The following PTPN21 variants were observed in gnomAD, a reference collection of about 807,000 sequenced individuals.
PTPN21 encodes the protein protein tyrosine phosphatase non-receptor type 21.
A neutral mutation model predicts 131.8 loss-of-function variants in PTPN21; 77 were observed. The observed-to-expected ratio is 0.58, with a 90% CI of 0.49 to 0.71. The LOEUF (loss-of-function observed/expected upper bound fraction) is 0.71, where lower values mean the gene tolerates loss of function less well. Among genes scored for constraint, PTPN21 ranks in the 30% least tolerant of loss-of-function variants. PTPN21 has a pLI of 0.00. For synonymous variants in PTPN21, 715 were observed against 621.3 expected (o/e 1.15, Z -2.24); for missense variants, 1,552 against 1,527.1 (o/e 1.02, Z -0.27).
Position 88,479,555 on chromosome 14 carries a change from C to T in PTPN21, c.1876G>A (p.Ala626Thr), listed in dbSNP as rs149044111. ...TTGTGCAGCTGCGCGTGGCGCGCGGCGGTGAGGGGCTCGCTGACCTCCTGC... is the reference window on the plus strand; with the variant it reads ...TTGTGCAGCTGCGCGTGGCGCGCGGTGGTGAGGGGCTCGCTGACCTCCTGC... ...SLQEVSEPLT[A>T]ARHAQLHKRN... Residue 626 changes from alanine to threonine, a missense_variant, in exon 13 of 19, where the codon GCC becomes ACC. By Grantham distance (58) the Ala-to-Thr change is moderately conservative (BLOSUM62 0). This residue lies in a region of PTPN21 where 1,016 missense variants were observed against 883.5 expected (regional missense o/e 1.15). Coordinates refer to ENST00000556564, the MANE Select transcript of PTPN21 (RefSeq NM_007039.4). The T allele has an allele frequency of 3.2e-4, 514 of 1,598,558 alleles. 3 individuals carry two copies. In the East Asian group the frequency reaches 9.8e-3, roughly 30 times the overall value.
intron 5 of PTPN21, 24 bp from the exon 6 acceptor site, chr14:88,504,519 G>A: frequency 1.3e-6 from 2 of 1,581,646 alleles, no homozygotes; most frequent in Non-Finnish European, 1.7e-6. Flanking sequence ...ACAGTGGTAA[G>A]TATGTGACAA....
chr14:88,544,681 C>T (rs545855108), intron 2 of PTPN21, among the ~76,000 whole-genome samples: 15 of 152,204 alleles, frequency 9.9e-5, no homozygotes, highest in African/African-American at 3.6e-4. Flanking sequence ...CTGTCTTAAC[C>T]ACTTTACTAA....
intron 2 of PTPN21, among the ~76,000 whole-genome samples, chr14:88,519,014 G>A (rs1019071054): frequency 1.3e-5 from 2 of 151,920 alleles, no homozygotes; most frequent in South Asian, 4.2e-4. Context: ...CACACACAGA[G>A]TGCATGAGAA....
chr14:88,479,177 C>A lies in PTPN21; in HGVS notation c.2254G>T (p.Ala752Ser). Residue 752 changes from alanine to serine, a missense_variant, in exon 13 of 19, where the codon GCC (alanine) becomes TCC (serine). Physicochemically the swap from Ala to Ser is moderately conservative, Grantham distance 99 (BLOSUM62 1). Around this residue, in one of 4 missense-constraint regions of PTPN21, gnomAD observed 1,016 missense variants for 883.5 expected, o/e 1.15. Transcript: ENST00000556564. The stretch of plus-strand genomic sequence containing the variant: ...GGCTCCAGGATGTGCAGGGGCCCGG[C>A]GAGCAGGACGCGAGGGCAGCCAGGT... ...DPPGCPRVLL[A>S]GPLHILEPKA... 1.3e-6 allele frequency: 2 copies of A among 1,554,134 alleles called. No homozygotes were observed. The highest frequency in any genetic ancestry group is 8.7e-7 in the Non-Finnish European group (1 of 1,153,750).
intron 15 of PTPN21, among the ~76,000 whole-genome samples, chr14:88,471,937 C>T (rs573231776): frequency 1.1e-4 from 16 of 151,506 alleles, no homozygotes; most frequent in Middle Eastern, 3.4e-3. Context: ...AAAAAAAAGC[C>T]GGGCAAATAA....
At chr14:88,538,688 G>A (rs1427271833) in intron 2 of PTPN21, among the ~76,000 whole-genome samples, 2 of 152,220 alleles carry the variant, frequency 1.3e-5, no homozygotes, top group African/African-American at 2.4e-5. Flanking sequence ...GAGCTCCAGA[G>A]CAGGCCACCT....
Position 88,479,710 on chromosome 14 carries a change from G to C in PTPN21, c.1721C>G (p.Pro574Arg). 1 of 1,504,764 alleles carries C rather than the reference G, an allele frequency of 6.6e-7. No homozygotes were observed. Among genetic ancestry groups the C allele is most frequent in the Non-Finnish European group, 8.8e-7 (1 of 1,137,516 alleles). 93.2% of individuals were successfully genotyped at this position (1,504,764 alleles called of 1,614,324 possible). ...RPPPPYPPPRPANSTPDLSRH... is the reference protein window; with the variant it reads ...RPPPPYPPPRRANSTPDLSRH... ...GGACAGGTCTGGCGTGCTGTTGGCG[G>C]GCCTGGGGGGCGGGTAGGGTGGGGG... The change falls in exon 13 of 19, where the codon CCC (proline) becomes CGC (arginine). Residue 574 changes from proline to arginine, a missense_variant. Pro to Arg is a moderately radical substitution (Grantham distance 103). Transcript: ENST00000556564.
intron 1 of PTPN21, among the ~76,000 whole-genome samples, chr14:88,554,223 G>A (rs1007846387): frequency 2.0e-5 from 3 of 152,180 alleles, no homozygotes; most frequent in African/African-American, 7.2e-5. Context: ...GGAATTTGCA[G>A]ATCCAAGAAT....
intron 13 of PTPN21, among the ~76,000 whole-genome samples, chr14:88,477,854 T>C (rs571520094): frequency 9.8e-5 from 15 of 152,306 alleles, no homozygotes; most frequent in Admixed American, 9.8e-4. Context: ...AGGCCGCAGA[T>C]GCTTAGTCCC....
intron 6 of PTPN21, among the ~76,000 whole-genome samples, chr14:88,501,948 G>A (rs912969463): frequency 7.2e-5 from 11 of 151,988 alleles, no homozygotes; most frequent in Admixed American, 1.3e-4. Flanking sequence ...TCGCTCCACT[G>A]CATGCCAGTC....
In PTPN21 at chr14:88,469,861, T is replaced by G; in HGVS notation, c.3000+61A>C. The G allele has an allele frequency of 6.2e-7, 1 of 1,610,230 alleles. No individual in the cohort carries two copies. The highest frequency in any genetic ancestry group is 8.5e-7 in the Non-Finnish European group (1 of 1,176,720). Reference sequence around the variant, plus strand: ...TTTCTCCACAGGTCAGGATTCCAGATGATTAACATTAACTGTTCTTCAGAG... The same window carrying G: ...TTTCTCCACAGGTCAGGATTCCAGAGGATTAACATTAACTGTTCTTCAGAG... On this transcript the variant is annotated intron_variant, in intron 16 of 18. Coordinates refer to ENST00000556564, the MANE Select transcript of PTPN21 (RefSeq NM_007039.4). The surrounding 1 kb of genome is among the most constrained non-coding windows in gnomAD (Gnocchi z 4.3).
At chr14:88,545,995 T>TAAAAAAA (rs991650692) in intron 2 of PTPN21, among the ~76,000 whole-genome samples, 2 of 77,862 alleles carry the variant, frequency 2.6e-5, no homozygotes, top group Non-Finnish European at 5.1e-5. Context: ...CTGTCTCAAA[T>TAAAAAAA]AAAAAAAAAA....
intron 2 of PTPN21, among the ~76,000 whole-genome samples, chr14:88,519,563 A>G (rs1389608941): frequency 6.6e-6 from 1 of 152,230 alleles, no homozygotes; most frequent in Non-Finnish European, 1.5e-5. Context: ...TCCTCATTCA[A>G]GTAAAAAATA....
chr14:88,469,206 AC>A lies in PTPN21; in HGVS notation c.3236-131del. 1.0e-6 allele frequency: 1 copy of A among 1,000,488 alleles called. No individual in the cohort carries two copies. The highest frequency in any genetic ancestry group is 1.4e-6 in the Non-Finnish European group (1 of 692,774). The allele number at this position is 1,000,488 out of a possible 1,614,324, so 62.0% of individuals were successfully genotyped here. Reference sequence around the variant, plus strand: ...AGAGCACTGGGTGCCAGTGAACCAAACCCAACCACAAAGGGACAGTGTGACC... The same window carrying A: ...AGAGCACTGGGTGCCAGTGAACCAAACCAACCACAAAGGGACAGTGTGACC... On this transcript the variant is annotated intron_variant, in intron 17 of 18. Transcript: ENST00000556564. This position sits in a 1 kb window ranked among gnomAD's most constrained non-coding sequence, Gnocchi z 4.3.
At chr14:88,539,228 C>A (rs148149020) in intron 2 of PTPN21, among the ~76,000 whole-genome samples, 1 of 150,574 alleles carries the variant, frequency 6.6e-6, no homozygotes, top group Admixed American at 6.6e-5. Context: ...AGATTACAGG[C>A]GACTGCCACC....
At chr14:88,543,233 C>T (rs192505086) in intron 2 of PTPN21, among the ~76,000 whole-genome samples, 10 of 152,194 alleles carry the variant, frequency 6.6e-5, no homozygotes, top group Admixed American at 5.9e-4. Context: ...AATCCCCTAG[C>T]GAAAAAATAT....
At chr14:88,511,088 T>A (rs1381197464) in intron 3 of PTPN21, among the ~76,000 whole-genome samples, 7 of 151,968 alleles carry the variant, frequency 4.6e-5, no homozygotes, top group South Asian at 4.2e-4. Context: ...AAATTTTTTT[T>A]AATTTTTTGT....
At chr14:88,517,753 AC>A (rs139585370) in intron 2 of PTPN21, among the ~76,000 whole-genome samples, 35,041 of 140,052 alleles carry the variant, frequency 0.25, 4,356 homozygotes, top group East Asian at 0.35. Context: ...GTGTGTATAT[AC>A]TAGTGTATAT....
At chr14:88,532,974 A>G (rs578170119) in intron 2 of PTPN21, among the ~76,000 whole-genome samples, 36 of 152,320 alleles carry the variant, frequency 2.4e-4, no homozygotes, top group Non-Finnish European at 4.9e-4. Flanking sequence ...ATTGTTTCCA[A>G]AACTTAGCAC....
Sources: allele counts gnomAD v4.1 joint callset (sites outside exome capture counted in the v4.1 genomes callset), GRCh38; gene constraint gnomAD v4.1.1; regional missense constraint gnomAD v4.1.1; non-coding constraint Gnocchi (gnomAD v3.1); transcripts MANE v1.5; gene names NCBI Gene and HGNC (gene_info 2026-07-23, HGNC 2026-07-21).